TOB1: variants seen among roughly 807,000 people sequenced by gnomAD.
TOB1 encodes protein Tob1.
Under a neutral mutation model 22.9 loss-of-function variants are expected in TOB1, and 2 were observed. That is an observed-to-expected ratio of 0.09 (90% CI 0.04 to 0.28). The LOEUF (loss-of-function observed/expected upper bound fraction) is 0.28. TOB1 is among the 10% of genes least tolerant of loss of function. TOB1 has a pLI of 1.00. For synonymous variants in TOB1, 154 were observed against 150.6 expected (o/e 1.02, Z -0.17); for missense variants, 299 against 420.5 (o/e 0.71, Z 2.53).
At position 50,863,748 on chromosome 17, in the gene TOB1, A is replaced by C. The variant is rs1298576152; in HGVS notation, c.270T>G (p.Leu90=). 6.2e-7 allele frequency: 1 copy of C among 1,614,140 alleles called. No homozygotes were observed. The highest frequency in any genetic ancestry group is 8.5e-7 in the Non-Finnish European group (1 of 1,180,028). The change falls in exon 2 of 2, where the codon CTT becomes CTG. Residue 90 remains leucine (L), a synonymous_variant. Transcript: ENST00000499247. ...DDVRGNLPQD[L]SVWIDPFEVS... ...CCTCAAATGGGTCGATCCAAACACT[A>C]AGATCCTGTGGCAGATTGCCACGAA...
In TOB1 at chr17:50,862,986, A is replaced by G; in HGVS notation, c.1032T>C (p.Ala344=). ...YSNQQFQPVM[A]N The stretch of plus-strand genomic sequence containing the variant: ...ACGATACATTTTCTTTTTTTTAGTT[A>G]GCCATAACAGGCTGGAATTGCTGGT... The change falls in exon 2 of 2, where the codon GCT becomes GCC. Residue 344 remains alanine, a synonymous_variant. Coordinates refer to ENST00000499247, the MANE Select transcript of TOB1 (RefSeq NM_005749.4). 1 of 1,599,356 alleles carries G rather than the reference A, an allele frequency of 6.3e-7. No homozygotes were observed. Among genetic ancestry groups the G allele is most frequent in the Non-Finnish European group, 8.5e-7 (1 of 1,173,622 alleles).
In TOB1 at chr17:50,863,626, C is replaced by T. The variant is rs1972252488; in HGVS notation, c.392G>A (p.Ser131Asn). 6.2e-7 allele frequency: 1 copy of T among 1,614,128 alleles called. No homozygotes were observed. The highest frequency in any genetic ancestry group is 1.7e-5 in the Admixed American group (1 of 60,010). ...AAAAACCTGGGCCTCTGGGTTAAAG[C>T]TGTTTTTGATCTCCTTATCCAACTC... is the stretch of plus-strand genomic sequence containing the variant. ...GCELDKEIKN[S>N]FNPEAQVFMP... is the part of the protein sequence containing the mutation. Residue 131 changes from serine (S) to asparagine (N), a missense_variant, in exon 2 of 2, where the codon AGC (serine) becomes AAC (asparagine). Physicochemically the swap from Ser to Asn is conservative, Grantham distance 46. Transcript: ENST00000499247.
intron 1 of TOB1, 122 bp from the exon 2 acceptor site, chr17:50,864,285 TAAAAAG>T (rs904478021): frequency 5.3e-5 from 22 of 415,848 alleles, no homozygotes; most frequent in Non-Finnish European, 6.5e-5. Context: ...CTGCTAAGGA[TAAAAAG>T]AAAAAGAAAA....
At chr17:50,866,368 C>A (rs549959638), upstream of TOB1, 2 of 152,234 alleles carry the variant, frequency 1.3e-5, no homozygotes, top group South Asian at 4.1e-4. Flanking sequence ...GCGGCGCGCG[C>A]CCCGCCTCTC....
chr17:50,864,376 G>A (rs905530871), intron 1 of TOB1, among the ~76,000 whole-genome samples: 17 of 152,232 alleles, frequency 1.1e-4, no homozygotes, highest in Middle Eastern at 6.8e-3. Flanking sequence ...GTTTATTAAA[G>A]TTTAAAATGA....
chr17:50,866,491 G>C (rs113347817), upstream of TOB1: 2 of 151,692 alleles, frequency 1.3e-5, no homozygotes, highest in Admixed American at 1.3e-4. Flanking sequence ...CCGGCACCCC[G>C]GTCCCCCGCC....
chr17:50,867,741 T>G (rs1269369874), upstream of TOB1: 1 of 152,412 alleles, frequency 6.6e-6, no homozygotes, highest in African/African-American at 2.4e-5. Flanking sequence ...GGGCGCCGCC[T>G]TCCCCTCCAA....
At chr17:50,864,226 C>G in intron 1 of TOB1, 63 bp from the exon 2 acceptor site, 1 of 938,066 alleles carries the variant, frequency 1.1e-6, no homozygotes, top group Non-Finnish European at 1.4e-6. Flanking sequence ...TGACCTTCCC[C>G]CCTCCAAAGT....
In TOB1 at chr17:50,863,484, G is replaced by A; in HGVS notation, c.534C>T (p.Thr178=). The change falls in exon 2 of 2, where the codon ACC becomes ACT. Residue 178 remains threonine (T), a synonymous_variant. Coordinates refer to ENST00000499247, the MANE Select transcript of TOB1 (RefSeq NM_005749.4). ...MPRSTQPLTF[T]TATFAATKFG... is the part of the protein sequence containing the mutation. Reference sequence around the variant, plus strand: ...ACTTGGTGGCAGCAAAAGTGGCAGTGGTAAAGGTTAAAGGCTGAGTGGACC... The same window carrying A: ...ACTTGGTGGCAGCAAAAGTGGCAGTAGTAAAGGTTAAAGGCTGAGTGGACC... 6.8e-6 allele frequency: 11 copies of A among 1,614,164 alleles called. No homozygotes were observed. The South Asian group carries it at 1.2e-4, about 18-fold the overall frequency.
upstream of TOB1, chr17:50,867,237 T>G (rs1410501826): frequency 6.6e-6 from 1 of 152,328 alleles, no homozygotes. Flanking sequence ...TGTGTCCATG[T>G]CTACACACAC....
upstream of TOB1, chr17:50,867,811 GT>G (rs1972338068): frequency 6.6e-6 from 1 of 152,276 alleles, no homozygotes; most frequent in African/African-American, 2.4e-5. Flanking sequence ...TCACCGAGGA[GT>G]AGGGTGTCTA....
rs763941830 is a variant in TOB1 at position 50,863,391 on chromosome 17, G to A, written c.627C>T (p.Leu209=). The change falls in exon 2 of 2, where the codon CTC becomes CTT. Residue 209 remains leucine, a synonymous_variant. Transcript: ENST00000499247. ...NKVARTSPIN[L]GLNVNDLLKQ... is the part of the protein sequence containing the mutation. ...TCAAGAGGTCATTCACATTCAAGCC[G>A]AGGTTGATGGGAGAAGTACGTGCAA... 5.6e-6 allele frequency: 9 copies of A among 1,614,148 alleles called. No homozygotes were observed. The highest frequency in any genetic ancestry group is 2.2e-5 in the East Asian group (1 of 44,882).
chr17:50,865,946 CCCCGAGCT>C (rs1483834139), intron 1 of TOB1, 104 bp downstream of exon 1: 1 of 151,848 alleles, frequency 6.6e-6, no homozygotes, highest in Non-Finnish European at 1.5e-5. Context: ...ACCCCGCCGT[CCCCGAGCT>C]CCCGAGGGCC....
chr17:50,865,598 C>T (rs1972286707), intron 1 of TOB1, among the ~76,000 whole-genome samples: 1 of 152,064 alleles, frequency 6.6e-6, no homozygotes, highest in Non-Finnish European at 1.5e-5. Flanking sequence ...CCGAGCAGGT[C>T]GGGGCGCCGG....
chr17:50,867,216 G>A (rs921917203), upstream of TOB1: 1 of 152,328 alleles, frequency 6.6e-6, no homozygotes, highest in Non-Finnish European at 1.5e-5. Flanking sequence ...AGGCCAAACT[G>A]CGTATGTATC....
intron 1 of TOB1, among the ~76,000 whole-genome samples, chr17:50,865,272 G>C (rs569325435): frequency 6.6e-5 from 10 of 152,318 alleles, no homozygotes; most frequent in Non-Finnish European, 1.3e-4. Flanking sequence ...CACTTTCCAA[G>C]TCAAAAGCCT....
intron 1 of TOB1, among the ~76,000 whole-genome samples, chr17:50,865,203 T>C (rs1014823351): frequency 1.3e-5 from 2 of 152,262 alleles, no homozygotes; most frequent in African/African-American, 4.8e-5. Context: ...GTCTGTTCTA[T>C]TTTCCATATT....
chr17:50,867,483 A>G (rs1972330199), upstream of TOB1: 1 of 152,214 alleles, frequency 6.6e-6, no homozygotes, highest in Non-Finnish European at 1.5e-5. Context: ...TCAGCTAAAA[A>G]TATTACTCAC....
At chr17:50,865,539 G>A (rs998325096) in intron 1 of TOB1, among the ~76,000 whole-genome samples, 1 of 152,140 alleles carries the variant, frequency 6.6e-6, no homozygotes. Flanking sequence ...GAAGGAGGAG[G>A]AAGGCCCGGG....
Sources: gnomAD v4.1 joint callset for allele counts (sites outside exome capture counted in the v4.1 genomes callset) on GRCh38, gnomAD v4.1.1 for gene constraint, MANE v1.5 for transcripts, NCBI Gene and HGNC (gene_info 2026-07-23, HGNC 2026-07-21) for gene names.